Variants in INPP4B observed in about 807,000 individuals in gnomAD.
INPP4B encodes the protein inositol polyphosphate 4-phosphatase type II.
In INPP4B, 55 loss-of-function variants were observed where a neutral mutation model predicts 122.5. The observed-to-expected ratio is 0.45, with a 90% CI of 0.36 to 0.56. The LOEUF (loss-of-function observed/expected upper bound fraction) is 0.56. INPP4B is among the 20% of genes least tolerant of loss of function. The probability of loss-of-function intolerance (pLI) is 0.00; values close to 1 mark genes in which losing one functional copy is unlikely to be tolerated. For missense variants in INPP4B, 1,000 were observed against 1,097.7 expected (o/e 0.91, Z 1.26); for synonymous variants, 403 against 388.7 (o/e 1.04, Z -0.43).
chr4:142,194,012 TC>T (rs1316030100), intron 14 of INPP4B, among the ~76,000 whole-genome samples: 4 of 152,202 alleles, frequency 2.6e-5, no homozygotes, highest in Non-Finnish European at 5.9e-5. Context: ...TCATAGTAGA[TC>T]CTTTTCAAAT....
At chr4:142,229,844 G>A (rs183059570) in intron 12 of INPP4B, among the ~76,000 whole-genome samples, 2 of 152,092 alleles carry the variant, frequency 1.3e-5, no homozygotes, top group African/African-American at 2.4e-5. Flanking sequence ...ATTTTTGGGG[G>A]GATAGGGAAG....
At chr4:142,241,269 TATC>T (rs1420079158) in intron 11 of INPP4B, among the ~76,000 whole-genome samples, 2 of 152,126 alleles carry the variant, frequency 1.3e-5, no homozygotes, top group African/African-American at 4.8e-5. Context: ...TTGCTAAAAA[TATC>T]ATGCGACCGA....
At chr4:142,802,756 T>C (rs1778164789) in intron 1 of INPP4B, among the ~76,000 whole-genome samples, 1 of 152,014 alleles carries the variant, frequency 6.6e-6, no homozygotes, top group South Asian at 2.1e-4. Flanking sequence ...GAATGAGTTT[T>C]TCCTCTTTCA....
At chr4:142,546,578 A>T (rs771968678) in intron 2 of INPP4B, among the ~76,000 whole-genome samples, 12 of 152,168 alleles carry the variant, frequency 7.9e-5, no homozygotes, top group Non-Finnish European at 1.6e-4. Context: ...AGTTAGGAGA[A>T]TTATGATTAC....
In INPP4B at chr4:142,524,963, C is replaced by G. The variant is rs963884079; in HGVS notation, c.-190-62237G>C. 5.9e-5 allele frequency among the ~76,000 whole-genome samples: 9 copies of G among 151,854 alleles called. No homozygotes were observed. The South Asian group carries it at 6.3e-4, about 11-fold the overall frequency. ...AAGTCAAATTCTCCCTGTTTGCAGACGACATGATTGTATATCTAGAAAACC... is the reference window on the plus strand; with the variant it reads ...AAGTCAAATTCTCCCTGTTTGCAGAGGACATGATTGTATATCTAGAAAACC... On this transcript the variant is annotated intron_variant, in intron 2 of 25. Transcript: ENST00000262992.
chr4:142,572,169 G>C (rs957428533), intron 2 of INPP4B, among the ~76,000 whole-genome samples: 4 of 152,054 alleles, frequency 2.6e-5, no homozygotes, highest in Non-Finnish European at 4.4e-5. Context: ...AATTCAATTA[G>C]GTCTATAAAG....
chr4:142,238,834 CA>C (rs376003559), intron 11 of INPP4B, among the ~76,000 whole-genome samples: 60 of 152,218 alleles, frequency 3.9e-4, no homozygotes, highest in African/African-American at 1.4e-3. Flanking sequence ...TTCAAGTCAT[CA>C]GGGGAGAATT....
At chr4:142,403,789 C>T (rs186128058) in intron 6 of INPP4B, among the ~76,000 whole-genome samples, 4 of 152,276 alleles carry the variant, frequency 2.6e-5, no homozygotes, top group African/African-American at 9.6e-5. Flanking sequence ...GTAATTCATT[C>T]ATTTATTCTT....
At chr4:142,671,207 C>T (rs1756941599) in intron 2 of INPP4B, among the ~76,000 whole-genome samples, 1 of 151,970 alleles carries the variant, frequency 6.6e-6, no homozygotes, top group Non-Finnish European at 1.5e-5. Context: ...TCTCTTGAAC[C>T]ATATAAATCT....
chr4:142,471,382 G>A (rs1360992117), intron 2 of INPP4B, among the ~76,000 whole-genome samples: 1 of 151,998 alleles, frequency 6.6e-6, no homozygotes, highest in East Asian at 1.9e-4. Flanking sequence ...AGTTATTTTT[G>A]TTTGGTGGAT....
At chr4:142,708,459 G>A (rs1040772168) in intron 2 of INPP4B, among the ~76,000 whole-genome samples, 1 of 152,200 alleles carries the variant, frequency 6.6e-6, no homozygotes, top group African/African-American at 2.4e-5. Context: ...GAATGGTTCT[G>A]TGAGCTGGGC....
At chr4:142,318,342 T>G (rs1768620491) in intron 7 of INPP4B, among the ~76,000 whole-genome samples, 1 of 151,982 alleles carries the variant, frequency 6.6e-6, no homozygotes, top group Admixed American at 6.6e-5. Context: ...AATATGTCAC[T>G]AAAAAATACT....
chr4:142,182,840 A>G (rs577612195), intron 15 of INPP4B, among the ~76,000 whole-genome samples: 1 of 151,994 alleles, frequency 6.6e-6, no homozygotes, highest in Admixed American at 6.6e-5. Flanking sequence ...AAAATCTTCA[A>G]CTCCCCAGGT....
At position 142,706,340 on chromosome 4, in the gene INPP4B, T is replaced by C. The variant is rs147736040; in HGVS notation, c.-191+19499A>G. ...TGTGAGAGAGTGGCGGATATGTATG[T>C]TGTTTACCTTTGTACTTGGTTCATG... On this transcript the variant is annotated intron_variant, in intron 2 of 25. Transcript: ENST00000262992. Among the ~76,000 whole-genome samples the C allele has an allele frequency of 3.3e-5, 5 of 152,332 alleles. No homozygotes were observed. In the East Asian group the frequency reaches 9.6e-4, roughly 29 times the overall value.
At chr4:142,443,907 G>A in intron 3 of INPP4B, among the ~76,000 whole-genome samples, 1 of 152,104 alleles carries the variant, frequency 6.6e-6, no homozygotes, top group East Asian at 1.9e-4. Context: ...GGATGAAAAA[G>A]TGTCAAAAGC....
At chr4:142,188,516 A>ATATATATATAT (rs1381172815) in intron 15 of INPP4B, among the ~76,000 whole-genome samples, 27 of 116,164 alleles carry the variant, frequency 2.3e-4, no homozygotes, top group Non-Finnish European at 3.8e-4. Flanking sequence ...AAAAAGAAAA[A>ATATATATATAT]AAATATATAT....
At chr4:142,666,478 A>G (rs1391190358) in intron 2 of INPP4B, among the ~76,000 whole-genome samples, 1 of 152,166 alleles carries the variant, frequency 6.6e-6, no homozygotes, top group Non-Finnish European at 1.5e-5. Flanking sequence ...TTATTTAACA[A>G]TATTATACGG....
At chr4:142,650,008 T>A (rs2120161) in intron 2 of INPP4B, among the ~76,000 whole-genome samples, 118,361 of 152,224 alleles carry the variant, frequency 0.78, 46,692 homozygotes, top group East Asian at 0.85. Context: ...TCAGACAAAC[T>A]GTGGATCTCT....
chr4:142,764,439 G>A (rs1771784080), intron 1 of INPP4B, among the ~76,000 whole-genome samples: 1 of 151,948 alleles, frequency 6.6e-6, no homozygotes, highest in Non-Finnish European at 1.5e-5. Flanking sequence ...CACCATACTG[G>A]GCTGACATCA....
Sources: allele counts gnomAD v4.1 joint callset (sites outside exome capture counted in the v4.1 genomes callset), GRCh38; gene constraint gnomAD v4.1.1; transcripts MANE v1.5; gene names NCBI Gene and HGNC (gene_info 2026-07-23, HGNC 2026-07-21).